Variants in DIS3L2 observed in about 807,000 individuals in gnomAD.
DIS3L2 encodes DIS3-like exonuclease 2.
A neutral mutation model predicts 97.5 loss-of-function variants in DIS3L2; 34 were observed. The observed-to-expected ratio is 0.35, with a 90% confidence interval of 0.27 to 0.46. DIS3L2 has a LOEUF of 0.46. DIS3L2 is among the 20% of genes least tolerant of loss of function. The probability of loss-of-function intolerance (pLI) is 1.00; values close to 1 mark genes in which losing one functional copy is unlikely to be tolerated. For missense variants in DIS3L2, 1,038 were observed against 1,146.0 expected (o/e 0.91, Z 1.36); for synonymous variants, 435 against 445.2 (o/e 0.98, Z 0.29).
In DIS3L2 at chr2:232,015,421, T is replaced by C. The variant is rs1694324771; in HGVS notation, c.53-93T>C. The C allele has an allele frequency of 2.0e-6, 3 of 1,498,450 alleles. No individual in the cohort carries two copies. The Admixed American group carries it at 6.6e-5, about 33-fold the overall frequency. 92.8% of individuals were successfully genotyped at this position (1,498,450 alleles called of 1,614,324 possible). Reference sequence around the variant, plus strand: ...GGAGTTTCAGTCTCTTGTTGGTCTCTTTAAATAATAATTGTAAAAAGGTAT... The same window carrying C: ...GGAGTTTCAGTCTCTTGTTGGTCTCCTTAAATAATAATTGTAAAAAGGTAT... On this transcript the variant is annotated intron_variant, in intron 2 of 20. Coordinates refer to ENST00000325385, the MANE Select transcript of DIS3L2 (RefSeq NM_152383.5).
At chr2:232,334,050 TGG>T (rs1290423363) in intron 17 of DIS3L2, 63 bp downstream of exon 17, 1 of 1,551,122 alleles carries the variant, frequency 6.4e-7, no homozygotes, top group Non-Finnish European at 8.7e-7. Flanking sequence ...ACCCCCACAG[TGG>T]GTGCTCAGTG....
At chr2:232,039,566 T>A (rs191274543) in intron 5 of DIS3L2, among the ~76,000 whole-genome samples, 13 of 152,318 alleles carry the variant, frequency 8.5e-5, no homozygotes, top group African/African-American at 2.9e-4. Flanking sequence ...GATAGCTGTA[T>A]GAGTATCAAG....
chr2:232,216,289 A>G (rs1193141310), intron 10 of DIS3L2, among the ~76,000 whole-genome samples: 1 of 152,200 alleles, frequency 6.6e-6, no homozygotes, highest in Non-Finnish European at 1.5e-5. Context: ...TTCCTCCTTG[A>G]AATTCACTCA....
rs536281287 is a variant in DIS3L2, at chr2:232,098,889, C to G, written c.601+11168C>G. Among the ~76,000 whole-genome samples, 3 of 152,158 alleles carry G rather than the reference C, an allele frequency of 2.0e-5. No individual in the cohort carries two copies. In the East Asian group the frequency reaches 5.8e-4, roughly 29 times the overall value. ...AGAACAAACATTTTTAATTTTAATG[C>G]AGTAAAAGTTGTCATACACTTTATG... On this transcript the variant is annotated intron_variant, in intron 6 of 20. Coordinates refer to ENST00000325385, the MANE Select transcript of DIS3L2 (RefSeq NM_152383.5).
At chr2:232,158,578 A>G (rs901836342) in intron 8 of DIS3L2, among the ~76,000 whole-genome samples, 1 of 152,208 alleles carries the variant, frequency 6.6e-6, no homozygotes. Flanking sequence ...GAGATGAAGC[A>G]TGTAATTCTT....
chr2:232,096,183 T>A (rs1367313244), intron 6 of DIS3L2, among the ~76,000 whole-genome samples: 1 of 151,228 alleles, frequency 6.6e-6, no homozygotes, highest in Non-Finnish European at 1.5e-5. Flanking sequence ...GCCTCCTGGG[T>A]TCATGCCATT....
At chr2:232,174,585 CAAAAA>C (rs60698530) in intron 9 of DIS3L2, among the ~76,000 whole-genome samples, 3 of 83,970 alleles carry the variant, frequency 3.6e-5, no homozygotes, top group Admixed American at 2.8e-4. Flanking sequence ...GACTCCACCT[CAAAAA>C]AAAAAAAAAA....
chr2:232,224,535 A>G (rs1692587411), intron 10 of DIS3L2, among the ~76,000 whole-genome samples: 1 of 152,208 alleles, frequency 6.6e-6, no homozygotes, highest in Non-Finnish European at 1.5e-5. Flanking sequence ...CCATTCATCA[A>G]AAGACATCAT....
At chr2:232,260,710 C>T (rs1693692213) in intron 12 of DIS3L2, 1 of 152,202 alleles carries the variant, frequency 6.6e-6, no homozygotes, top group Non-Finnish European at 1.5e-5. Context: ...CCATTCTTTT[C>T]CTCTACCCCA....
At chr2:232,086,179 A>G (rs530406957) in intron 5 of DIS3L2, among the ~76,000 whole-genome samples, 1 of 148,054 alleles carries the variant, frequency 6.8e-6, no homozygotes, top group East Asian at 1.9e-4. Flanking sequence ...GTATATACGT[A>G]TATATACACA....
intron 1 of DIS3L2, among the ~76,000 whole-genome samples, chr2:232,000,812 C>T (rs1693875436): frequency 6.8e-6 from 1 of 147,352 alleles, no homozygotes; most frequent in Non-Finnish European, 1.5e-5. Flanking sequence ...AGCAGTTCTC[C>T]TACCTTGGCC....
At chr2:232,101,896 A>G (rs1431864953) in intron 6 of DIS3L2, among the ~76,000 whole-genome samples, 1 of 152,252 alleles carries the variant, frequency 6.6e-6, no homozygotes, top group Non-Finnish European at 1.5e-5. Context: ...GCTGGATACT[A>G]AAACTATTGA....
intron 20 of DIS3L2, 188 bp from the exon 21 acceptor site, chr2:232,336,281 T>G (rs1695943536): frequency 6.5e-7 from 1 of 1,546,348 alleles, no homozygotes; most frequent in East Asian, 2.5e-5. Flanking sequence ...TCAGGATGCA[T>G]CTGACTCCCC....
chr2:232,068,854 T>C (rs1695927196), intron 5 of DIS3L2, among the ~76,000 whole-genome samples: 1 of 152,106 alleles, frequency 6.6e-6, no homozygotes, highest in Admixed American at 6.5e-5. Context: ...AGTCTCACTC[T>C]GTCAGTCAGG....
intron 9 of DIS3L2, among the ~76,000 whole-genome samples, chr2:232,170,787 G>A (rs959707730): frequency 3.3e-5 from 5 of 152,018 alleles, no homozygotes; most frequent in Non-Finnish European, 7.4e-5. Context: ...AGGGGGTTGT[G>A]GTAAGAAATA....
chr2:232,238,054 G>T (rs1692981256), intron 10 of DIS3L2, among the ~76,000 whole-genome samples: 1 of 152,088 alleles, frequency 6.6e-6, no homozygotes, highest in African/African-American at 2.4e-5. Context: ...AAGTGTGGAG[G>T]GCCAGGTGAG....
intron 1 of DIS3L2, among the ~76,000 whole-genome samples, chr2:232,013,420 T>C (rs938619664): frequency 6.6e-6 from 1 of 152,248 alleles, no homozygotes; most frequent in Non-Finnish European, 1.5e-5. Context: ...CCTCCCTTCA[T>C]ATAGGCTGGA....
Position 232,009,848 on chromosome 2 carries a change from C to T in DIS3L2, c.-93-4987C>T, listed in dbSNP as rs146538885. 4.5e-4 allele frequency among the ~76,000 whole-genome samples: 68 copies of T among 152,320 alleles called. 1 individual carries two copies. The highest frequency in any genetic ancestry group is 1.4e-3 in the African/African-American group (60 of 41,568). ...CGTTGGTCTGCTGATCTGTTGCTTG[C>T]GCTGACTGGCATTGCAAACTCAAGT... On this transcript the variant is annotated intron_variant, in intron 1 of 20. Coordinates refer to ENST00000325385, the MANE Select transcript of DIS3L2 (RefSeq NM_152383.5).
intron 10 of DIS3L2, among the ~76,000 whole-genome samples, chr2:232,235,935 T>C (rs1214334460): frequency 3.3e-5 from 5 of 152,206 alleles, no homozygotes; most frequent in African/African-American, 1.2e-4. Flanking sequence ...CAGCTAAGCT[T>C]GGAGTCATGC....
Sources: gnomAD v4.1 joint callset for allele counts (sites outside exome capture counted in the v4.1 genomes callset) on GRCh38, gnomAD v4.1.1 for gene constraint, MANE v1.5 for transcripts, NCBI Gene and HGNC (gene_info 2026-07-23, HGNC 2026-07-21) for gene names.